DAD1: variants seen among roughly 807,000 people sequenced by gnomAD.
DAD1 encodes dolichyl-diphosphooligosaccharide--protein glycosyltransferase subunit DAD1.
DAD1 carries 4 observed loss-of-function variants against 9.0 expected under a neutral mutation model. That is an observed-to-expected ratio of 0.44 (90% confidence interval 0.22 to 1.01). The LOEUF (loss-of-function observed/expected upper bound fraction) is 1.01, where lower values mean the gene tolerates loss of function less well. Ranked by LOEUF, DAD1 falls within the 50% of genes least tolerant of loss-of-function variation. The pLI is 0.24. For missense variants in DAD1, 119 were observed against 137.3 expected, an observed-to-expected ratio of 0.87 and a Z score of 0.67; for synonymous variants, 60 against 62.5, an observed-to-expected ratio of 0.96 and a Z score of 0.19.
intron 2 of DAD1, among the ~76,000 whole-genome samples, chr14:22,568,967 G>A (rs931590300): frequency 1.3e-5 from 2 of 152,096 alleles, no homozygotes; most frequent in African/African-American, 4.8e-5. Context: ...CCCAAGTGCT[G>A]GGATTACAGG....
At chr14:22,566,098 G>A (rs554515560) in intron 2 of DAD1, among the ~76,000 whole-genome samples, 2 of 152,224 alleles carry the variant, frequency 1.3e-5, no homozygotes, top group African/African-American at 4.8e-5. Context: ...TGGACTTTCA[G>A]CCAGAATGCT....
chr14:22,574,671 A>C (rs933129230), intron 2 of DAD1, among the ~76,000 whole-genome samples: 1 of 152,244 alleles, frequency 6.6e-6, no homozygotes, highest in East Asian at 1.9e-4. Context: ...GTGCTATGAA[A>C]ACAATGGTCC....
Position 22,564,962 on chromosome 14 carries a change from G to A in DAD1, c.*220C>T, listed in dbSNP as rs1300649019. 2 of 605,248 alleles carry A rather than the reference G, an allele frequency of 3.3e-6. No homozygotes were observed. Among genetic ancestry groups the A allele is most frequent in the Non-Finnish European group, 5.9e-6 (2 of 339,750 alleles). 37.5% of individuals were successfully genotyped at this position (605,248 alleles called of 1,614,324 possible). ...AGGCAAAAGGTTACATTTAATGAAAGGCAGAGGCTGGATTAATAAATGTTT... is the reference window on the plus strand; with the variant it reads ...AGGCAAAAGGTTACATTTAATGAAAAGCAGAGGCTGGATTAATAAATGTTT... On this transcript the variant is annotated 3_prime_UTR_variant, in exon 3 of 3. Coordinates refer to ENST00000250498, the MANE Select transcript of DAD1 (RefSeq NM_001344.4).
intron 1 of DAD1, among the ~76,000 whole-genome samples, chr14:22,580,137 C>G (rs2037105922): frequency 1.3e-5 from 2 of 152,084 alleles, no homozygotes; most frequent in South Asian, 4.1e-4. Context: ...TTTCACTTGG[C>G]CAGGGCATGG....
At chr14:22,567,883 G>A (rs908921154) in intron 2 of DAD1, among the ~76,000 whole-genome samples, 5 of 151,988 alleles carry the variant, frequency 3.3e-5, no homozygotes, top group African/African-American at 7.3e-5. Flanking sequence ...TGAGATAGCC[G>A]GCCTTCATCC....
At chr14:22,566,983 TAAG>T (rs988894555) in intron 2 of DAD1, 3 of 152,174 alleles carry the variant, frequency 2.0e-5, no homozygotes, top group Non-Finnish European at 2.9e-5. Context: ...ACTCAACAGC[TAAG>T]AAGAATGGTT....
chr14:22,589,016 C>A lies in DAD1; in HGVS notation c.142G>T (p.Val48Leu). The A allele has an allele frequency of 6.2e-7, 1 of 1,614,212 alleles. No homozygotes were observed. The highest frequency in any genetic ancestry group is 8.5e-7 in the Non-Finnish European group (1 of 1,180,048). The change falls in exon 1 of 3, where the codon GTG becomes TTG. Residue 48 changes from valine to leucine, a missense_variant. Transcript: ENST00000250498. The stretch of plus-strand genomic sequence containing the variant: ...AAAGAGTTGAAGGGGAAGGTCCCCA[C>A]GAGGAGACAGTAACCGAACTGCAGC... ...GALQFGYCLL[V>L]GTFPFNSFLS...
At position 22,575,539 on chromosome 14, in the gene DAD1, T is replaced by C. The variant is rs528208591; in HGVS notation, c.212-306A>G. The stretch of plus-strand genomic sequence containing the variant: ...TGCACAAGTAAGTTGGGCAACACAA[T>C]CAAAAACTTTATTTTTTGGGGAGTC... On this transcript the variant is annotated intron_variant, in intron 1 of 2. Coordinates refer to ENST00000250498, the MANE Select transcript of DAD1 (RefSeq NM_001344.4). 5.4e-5 allele frequency among the ~76,000 whole-genome samples: 8 copies of C among 149,224 alleles called. No homozygotes were observed. The South Asian group carries it at 1.7e-3, about 31-fold the overall frequency.
intron 1 of DAD1, among the ~76,000 whole-genome samples, chr14:22,581,893 T>C (rs1290078502): frequency 6.6e-6 from 1 of 151,700 alleles, no homozygotes; most frequent in Non-Finnish European, 1.5e-5. Context: ...AACAGTATAA[T>C]GGTTCGCAAG....
rs74036423 is a variant in DAD1 at position 22,572,542 on chromosome 14, C to T, written c.*44+2517G>A. Among the ~76,000 whole-genome samples the T allele has an allele frequency of 4.2e-3, 638 of 152,232 alleles. 6 individuals are homozygous for T. The highest frequency in any genetic ancestry group is 0.015 in the African/African-American group (618 of 41,520). On this transcript the variant is annotated intron_variant, in intron 2 of 2. Transcript: ENST00000250498. Reference sequence around the variant, plus strand: ...ATCTGGGATTGAGGATTTTGCTATGCTTTGGGCCCATAATTCCCAGCTGAG... The same window carrying T: ...ATCTGGGATTGAGGATTTTGCTATGTTTTGGGCCCATAATTCCCAGCTGAG...
intron 1 of DAD1, among the ~76,000 whole-genome samples, chr14:22,583,809 G>C (rs975488828): frequency 6.6e-6 from 1 of 152,068 alleles, no homozygotes; most frequent in Admixed American, 6.6e-5. Context: ...AGAAGTCAGA[G>C]AGTATGGGTA....
At chr14:22,567,898 C>T (rs944680336) in intron 2 of DAD1, among the ~76,000 whole-genome samples, 5 of 152,166 alleles carry the variant, frequency 3.3e-5, no homozygotes, top group Non-Finnish European at 7.4e-5. Context: ...TCATCCTTTC[C>T]TATCAATCTC....
At chr14:22,571,364 G>GA (rs1188790752) in intron 2 of DAD1, among the ~76,000 whole-genome samples, 1 of 149,774 alleles carries the variant, frequency 6.7e-6, no homozygotes, top group Non-Finnish European at 1.5e-5. Flanking sequence ...AACAAACATG[G>GA]AAAAAACTAA....
chr14:22,568,132 C>CT (rs1202158028), intron 2 of DAD1, among the ~76,000 whole-genome samples: 1 of 152,174 alleles, frequency 6.6e-6, no homozygotes, highest in Non-Finnish European at 1.5e-5. Context: ...CCCTCAGTCA[C>CT]TTATTAGTTC....
intron 2 of DAD1, among the ~76,000 whole-genome samples, chr14:22,567,398 C>T (rs1311804205): frequency 7.9e-5 from 12 of 152,168 alleles, no homozygotes; most frequent in Admixed American, 2.6e-4. Context: ...TAATGTGAAT[C>T]AAAGACCATT....
At chr14:22,586,119 T>G (rs1191649360) in intron 1 of DAD1, among the ~76,000 whole-genome samples, 1 of 147,888 alleles carries the variant, frequency 6.8e-6, no homozygotes, top group Non-Finnish European at 1.5e-5. Context: ...GGCAGGAGAA[T>G]GGCGTGAACG....
At chr14:22,573,969 G>A (rs1387052484) in intron 2 of DAD1, among the ~76,000 whole-genome samples, 3 of 152,100 alleles carry the variant, frequency 2.0e-5, no homozygotes, top group Non-Finnish European at 4.4e-5. Flanking sequence ...GATTTCTGCT[G>A]GTTAGTATAA....
intron 2 of DAD1, chr14:22,567,217 A>G (rs944365350): frequency 2.0e-5 from 3 of 152,372 alleles, no homozygotes; most frequent in Admixed American, 2.0e-4. Flanking sequence ...GACGCTGTAG[A>G]GATAGAAAAG....
chr14:22,572,505 T>C (rs17119924), intron 2 of DAD1, among the ~76,000 whole-genome samples: 14,072 of 152,154 alleles, frequency 0.092, 1,196 homozygotes, highest in African/African-American at 0.22. Flanking sequence ...CATAGAAAGA[T>C]TTAACACTGC....
Sources: allele counts gnomAD v4.1 joint callset (sites outside exome capture counted in the v4.1 genomes callset), GRCh38; gene constraint gnomAD v4.1.1; transcripts MANE v1.5; gene names NCBI Gene and HGNC (gene_info 2026-07-23, HGNC 2026-07-21).